Variants in ANK3 observed in about 807,000 individuals in gnomAD.
ANK3 encodes ankyrin-3.
ANK3 carries 57 observed loss-of-function variants against 370.9 expected under a neutral mutation model. That is an observed-to-expected ratio of 0.15 (90% CI 0.12 to 0.19). The LOEUF (loss-of-function observed/expected upper bound fraction) is 0.19, where lower values mean the gene tolerates loss of function less well. Among genes scored for constraint, ANK3 ranks in the 10% least tolerant of loss-of-function variants. The pLI is 1.00. For synonymous variants in ANK3, 1,929 were observed against 1,946.3 expected (o/e 0.99, Z 0.23); for missense variants, 4,439 against 5,302.1 (o/e 0.84, Z 5.06).
At chr10:60,705,352 T>C (rs1327248117) in intron 1 of ANK3, among the ~76,000 whole-genome samples, 1 of 152,192 alleles carries the variant, frequency 6.6e-6, no homozygotes, top group South Asian at 2.1e-4. Flanking sequence ...ACACTTCACC[T>C]AACATTCACA....
intron 2 of ANK3, among the ~76,000 whole-genome samples, chr10:60,525,611 T>C (rs779665789): frequency 8.5e-5 from 13 of 152,244 alleles, no homozygotes; most frequent in African/African-American, 2.4e-4. Context: ...TGTAGTCCTT[T>C]CTGGGAGGAG....
chr10:60,163,060 C>A (rs552642593), intron 23 of ANK3, among the ~76,000 whole-genome samples: 2 of 152,196 alleles, frequency 1.3e-5, no homozygotes, highest in South Asian at 2.1e-4. Flanking sequence ...ATCACTTGAA[C>A]CTTAATCTCA....
chr10:60,149,088 G>A (rs2094964772), intron 23 of ANK3, among the ~76,000 whole-genome samples: 1 of 152,162 alleles, frequency 6.6e-6, no homozygotes, highest in African/African-American at 2.4e-5. Context: ...GCCTATCATT[G>A]TGCCTGGCAA....
intron 2 of ANK3, among the ~76,000 whole-genome samples, chr10:60,474,494 A>G (rs1002798680): frequency 6.6e-6 from 1 of 152,196 alleles, no homozygotes; most frequent in Non-Finnish European, 1.5e-5. Context: ...CAATGGGTTG[A>G]ATCAAAGGAA....
In ANK3 at chr10:60,347,774, T is replaced by C. The variant is rs568670501; in HGVS notation, c.114+41651A>G. Among the ~76,000 whole-genome samples, 19 of 152,292 alleles carry C rather than the reference T, an allele frequency of 1.2e-4. No individual in the cohort carries two copies. In the South Asian group the frequency reaches 3.9e-3, roughly 32 times the overall value. On this transcript the variant is annotated intron_variant, in intron 1 of 43. Coordinates refer to ENST00000280772, the MANE Select transcript of ANK3 (RefSeq NM_020987.5). ...CAACACTTTGCTATGCATCAGAATT[T>C]CTTTGTTAAGACACTGATGGCTGGG...
At chr10:60,142,691 G>A (rs2094620796) in intron 23 of ANK3, among the ~76,000 whole-genome samples, 1 of 151,994 alleles carries the variant, frequency 6.6e-6, no homozygotes, top group South Asian at 2.1e-4. Context: ...GTCTGGGGTA[G>A]GAGTGGGAGT....
intron 2 of ANK3, among the ~76,000 whole-genome samples, chr10:60,475,110 G>C (rs1215768797): frequency 1.3e-5 from 2 of 152,102 alleles, no homozygotes; most frequent in African/African-American, 4.8e-5. Flanking sequence ...TGGCAGCACT[G>C]AAAGTAGCAC....
In ANK3 at chr10:60,102,807, A is replaced by T. The variant is rs976992258; in HGVS notation, c.3328+3098T>A. On this transcript the variant is annotated intron_variant, in intron 28 of 43. Coordinates refer to ENST00000280772, the MANE Select transcript of ANK3 (RefSeq NM_020987.5). ...GTGGCATGTAGATTGGTTATAAAGT[A>T]GCACATAGAATTCATCTATGGAGAA... 3.3e-5 allele frequency among the ~76,000 whole-genome samples: 5 copies of T among 152,356 alleles called. No homozygotes were observed. In the East Asian group the frequency reaches 7.7e-4, roughly 24 times the overall value.
intron 1 of ANK3, among the ~76,000 whole-genome samples, chr10:60,291,904 G>A (rs1368581036): frequency 6.6e-6 from 1 of 152,090 alleles, no homozygotes; most frequent in Non-Finnish European, 1.5e-5. Flanking sequence ...AGTAGAGACG[G>A]AGTTTTGCCT....
At chr10:60,514,979 T>G (rs9633553) in intron 2 of ANK3, among the ~76,000 whole-genome samples, 13,488 of 152,136 alleles carry the variant, frequency 0.089, 1,119 homozygotes, top group East Asian at 0.32. Context: ...AAACTGATAA[T>G]TTTAAAAAAT....
chr10:60,519,395 C>A (rs1194764183), intron 2 of ANK3, among the ~76,000 whole-genome samples: 1 of 152,120 alleles, frequency 6.6e-6, no homozygotes, highest in Non-Finnish European at 1.5e-5. Flanking sequence ...TAGCCCAATG[C>A]TGGTGGAAAT....
intron 18 of ANK3, among the ~76,000 whole-genome samples, chr10:60,179,438 T>C (rs2096077351): frequency 6.6e-6 from 1 of 152,202 alleles, no homozygotes; most frequent in Non-Finnish European, 1.5e-5. Flanking sequence ...CTCATGCCTG[T>C]AATCCCAGCA....
At chr10:60,051,661 C>CTTAT in intron 42 of ANK3, 2 of 149,420 alleles carry the variant, frequency 1.3e-5, no homozygotes, top group Non-Finnish European at 2.1e-5. Flanking sequence ...TTGATGTTTT[C>CTTAT]TTCTTTTTTT....
chr10:60,091,061 C>T (rs965278700), intron 28 of ANK3, among the ~76,000 whole-genome samples: 1 of 152,180 alleles, frequency 6.6e-6, no homozygotes, highest in Non-Finnish European at 1.5e-5. Flanking sequence ...CACGCCACCA[C>T]GCCCAGCTAA....
intron 2 of ANK3, among the ~76,000 whole-genome samples, chr10:60,445,548 A>G (rs1242996709): frequency 7.3e-6 from 1 of 136,266 alleles, no homozygotes; most frequent in Admixed American, 7.2e-5. Flanking sequence ...ATCTTCTACT[A>G]AAAAAAAAAA....
chr10:60,654,038 T>C (rs1013398457), intron 1 of ANK3, among the ~76,000 whole-genome samples: 2 of 152,246 alleles, frequency 1.3e-5, no homozygotes, highest in South Asian at 2.1e-4. Flanking sequence ...TATTTTTCAT[T>C]GACAGATCTT....
rs1009390767 is a variant in ANK3, at chr10:60,196,208, G to A, written c.1824C>T (p.Tyr608=). ...GCAGAAGGGCCACTTTCTGATTATC[G>A]TAATGTGCAGCTACATGCAGTGGTG... is the stretch of plus-strand genomic sequence containing the variant. ...GLTPLHVAAH[Y]DNQKVALLLL... The change falls in exon 16 of 44, where the codon TAC becomes TAT. Residue 608 remains tyrosine (Y), a synonymous_variant. Transcript: ENST00000280772. 6 of 1,613,886 alleles carry A rather than the reference G, an allele frequency of 3.7e-6. No individual in the cohort carries two copies. The African/African-American group carries it at 4.0e-5, about 11-fold the overall frequency.
chr10:60,227,357 T>C lies in ANK3; in HGVS notation c.897+7331A>G, dbSNP rs186904898. On this transcript the variant is annotated intron_variant, in intron 8 of 43. Coordinates refer to ENST00000280772, the MANE Select transcript of ANK3 (RefSeq NM_020987.5). ...ATGTCTTTTTCTCTGGCTACTTAAATTTTTTTCTTTTTGATTTTTTGACTC... is the reference window on the plus strand; with the variant it reads ...ATGTCTTTTTCTCTGGCTACTTAAACTTTTTTCTTTTTGATTTTTTGACTC... Among the ~76,000 whole-genome samples the C allele has an allele frequency of 5.3e-5, 8 of 152,144 alleles. No homozygotes were observed. In the South Asian group the frequency reaches 1.2e-3, roughly 24 times the overall value.
chr10:60,293,473 G>A (rs2041890126), intron 1 of ANK3, among the ~76,000 whole-genome samples: 1 of 152,198 alleles, frequency 6.6e-6, no homozygotes, highest in African/African-American at 2.4e-5. Flanking sequence ...GGGGTAAGCA[G>A]TGGTCACCGT....
Sources: gnomAD v4.1 joint callset for allele counts (sites outside exome capture counted in the v4.1 genomes callset) on GRCh38, gnomAD v4.1.1 for gene constraint, MANE v1.5 for transcripts, NCBI Gene and HGNC (gene_info 2026-07-23, HGNC 2026-07-21) for gene names.